The following ADGRG6 variants were observed in gnomAD, a reference collection of about 807,000 sequenced individuals.
ADGRG6 encodes adhesion G protein-coupled receptor G6, also known as G-protein coupled receptor 126.
ADGRG6 carries 84 observed loss-of-function variants against 142.4 expected under a neutral mutation model. The observed-to-expected ratio is 0.59, with a 90% CI of 0.49 to 0.71. ADGRG6 has a LOEUF of 0.71. ADGRG6 is among the 30% of genes least tolerant of loss of function. The probability of loss-of-function intolerance (pLI) is 0.00; values close to 1 mark genes in which losing one functional copy is unlikely to be tolerated. For missense variants in ADGRG6, 1,367 were observed against 1,466.6 expected (o/e 0.93, Z 1.11); for synonymous variants, 521 against 520.5 (o/e 1.00, Z -0.01).
chr6:142,328,581 A>G (rs1778894600), intron 2 of ADGRG6, among the ~76,000 whole-genome samples: 1 of 152,176 alleles, frequency 6.6e-6, no homozygotes, highest in South Asian at 2.1e-4. Flanking sequence ...ATTATAGTTC[A>G]GTAATTGTAC....
At chr6:142,333,477 T>G (rs1779163996) in intron 2 of ADGRG6, among the ~76,000 whole-genome samples, 1 of 152,208 alleles carries the variant, frequency 6.6e-6, no homozygotes, top group Non-Finnish European at 1.5e-5. Flanking sequence ...AATGTTGCAG[T>G]CAGGCAGAAT....
At chr6:142,354,323 C>T (rs1006871874) in intron 2 of ADGRG6, among the ~76,000 whole-genome samples, 4 of 152,104 alleles carry the variant, frequency 2.6e-5, no homozygotes, top group Admixed American at 2.6e-4. Flanking sequence ...GCGGAGGTTG[C>T]AGTGAACTGA....
intron 1 of ADGRG6, among the ~76,000 whole-genome samples, chr6:142,305,437 C>CACACACACAA (rs1777445906): frequency 8.4e-6 from 1 of 119,272 alleles, no homozygotes; most frequent in Admixed American, 9.8e-5. Context: ...TGTACACACA[C>CACACACACAA]ACACACACAC....
Position 142,443,548 on chromosome 6 carries a change from A to G in ADGRG6, c.*33A>G. 1 of 1,507,028 alleles carries G rather than the reference A, an allele frequency of 6.6e-7. No individual in the cohort carries two copies. Among genetic ancestry groups the G allele is most frequent in the African/African-American group, 1.4e-5 (1 of 72,490 alleles). The allele number at this position is 1,507,028 out of a possible 1,614,324, so 93.4% of individuals were successfully genotyped here. A position where few individuals can be genotyped will look rare whatever the true frequency, so the allele number is the denominator to read the frequency against. The stretch of plus-strand genomic sequence containing the variant: ...AAGAAAAAGAAATCAATCTGCAGAA[A>G]TGTGAAGATTTGCAAGCAGTGTAAA... On this transcript the variant is annotated 3_prime_UTR_variant, in exon 25 of 25. Transcript: ENST00000367609.
intron 1 of ADGRG6, among the ~76,000 whole-genome samples, chr6:142,304,600 T>G (rs887469605): frequency 6.6e-6 from 1 of 152,220 alleles, no homozygotes; most frequent in African/African-American, 2.4e-5. Context: ...AGAATTAGTT[T>G]ACATATTAAA....
chr6:142,392,705 G>A (rs6570508), intron 7 of ADGRG6, among the ~76,000 whole-genome samples: 75,178 of 151,710 alleles, frequency 0.5, 23,282 homozygotes, highest in African/African-American at 0.87. Context: ...ACTATGGGGT[G>A]TGTGGGGATA....
rs919421205 is a variant in ADGRG6 at position 142,445,903 on chromosome 6, T to G, written c.*2388T>G. 6.6e-6 allele frequency: 1 copy of G among 152,202 alleles called. No individual in the cohort carries two copies. Among genetic ancestry groups the G allele is most frequent in the African/African-American group, 2.4e-5 (1 of 41,450 alleles). 9.4% of individuals were successfully genotyped at this position (152,202 alleles called of 1,614,324 possible). A position where few individuals can be genotyped will look rare whatever the true frequency, so the allele number is the denominator to read the frequency against. On this transcript the variant is annotated 3_prime_UTR_variant, in exon 25 of 25. Coordinates refer to ENST00000367609, the MANE Select transcript of ADGRG6 (RefSeq NM_198569.3). Reference sequence around the variant, plus strand: ...GTCATAGTCTAGGATCCTGAGAGATTTTCCATTCTTGTCACCATTCACTTG... The same window carrying G: ...GTCATAGTCTAGGATCCTGAGAGATGTTCCATTCTTGTCACCATTCACTTG...
intron 22 of ADGRG6, among the ~76,000 whole-genome samples, chr6:142,427,063 C>T (rs769813278): frequency 1.3e-5 from 2 of 152,154 alleles, no homozygotes; most frequent in Non-Finnish European, 2.9e-5. Context: ...ACATTTTCAC[C>T]ATTGTCTTGA....
At chr6:142,356,644 C>T (rs1780459060) in intron 2 of ADGRG6, among the ~76,000 whole-genome samples, 1 of 152,136 alleles carries the variant, frequency 6.6e-6, no homozygotes, top group African/African-American at 2.4e-5. Flanking sequence ...TATTATGTGT[C>T]ATAACCTGAA....
chr6:142,399,821 ATTG>A (rs200215843), intron 10 of ADGRG6, among the ~76,000 whole-genome samples: 2,122 of 152,276 alleles, frequency 0.014, 48 homozygotes, highest in African/African-American at 0.048. Flanking sequence ...ACAAGAGTTT[ATTG>A]TTGTTGTTGA....
In ADGRG6 at chr6:142,422,991, C is replaced by T. The variant is rs1448394287; in HGVS notation, c.3319+2887C>T. ...TTGAGAAGTGTCTGTTCATGTCCTT[C>T]GCCCAGTTTTTGATGGGGTTGTTTG... On this transcript the variant is annotated intron_variant, in intron 22 of 24. Coordinates refer to ENST00000367609, the MANE Select transcript of ADGRG6 (RefSeq NM_198569.3). Among the ~76,000 whole-genome samples the T allele has an allele frequency of 1.4e-4, 21 of 151,910 alleles. No homozygotes were observed. In the East Asian group the frequency reaches 1.9e-3, roughly 14 times the overall value.
At chr6:142,317,656 A>G (rs887584258) in intron 2 of ADGRG6, among the ~76,000 whole-genome samples, 4 of 136,494 alleles carry the variant, frequency 2.9e-5, no homozygotes, top group Admixed American at 2.6e-4. Flanking sequence ...GGTGTATATT[A>G]TATATATAGG....
At chr6:142,379,689 C>T (rs920865822) in intron 4 of ADGRG6, among the ~76,000 whole-genome samples, 10 of 152,100 alleles carry the variant, frequency 6.6e-5, no homozygotes, top group South Asian at 4.1e-4. Context: ...ATGGCGGGAA[C>T]CCGGGAGGCA....
In ADGRG6 at chr6:142,402,026, A is replaced by G; in HGVS notation, c.1712A>G (p.Tyr571Cys). The part of the protein sequence containing the change: ...FYNATNPLVT[Y>C]WGPVDISNCL... ...AATGCTACCAACCCATTGGTAACCT[A>G]CTGGGGACCTGTTGATATCTCCAAC... The change falls in exon 12 of 25, where the codon TAC becomes TGC. Residue 571 changes from tyrosine (Y) to cysteine (C), a missense_variant. Physicochemically the swap from Tyr to Cys is radical, Grantham distance 194. Coordinates refer to ENST00000367609, the MANE Select transcript of ADGRG6 (RefSeq NM_198569.3). 6.4e-7 allele frequency: 1 copy of G among 1,560,120 alleles called. No individual in the cohort carries two copies. Among genetic ancestry groups the G allele is most frequent in the African/African-American group, 1.3e-5 (1 of 74,076 alleles).
chr6:142,344,113 G>A (rs1341464661), intron 2 of ADGRG6, among the ~76,000 whole-genome samples: 1 of 151,574 alleles, frequency 6.6e-6, no homozygotes, highest in Non-Finnish European at 1.5e-5. Flanking sequence ...GCTAATACAT[G>A]ATTTATTATT....
At position 142,409,379 on chromosome 6, in the gene ADGRG6, G is replaced by A. The variant is rs541607792; in HGVS notation, c.2389-495G>A. Among the ~76,000 whole-genome samples the A allele has an allele frequency of 1.1e-4, 16 of 152,234 alleles. No homozygotes were observed. In the South Asian group the frequency reaches 3.3e-3, roughly 32 times the overall value. ...AAGGCTGAAGAGTATTTCATTGTAT[G>A]TATATACTAGATTTTGTTTGTCTAT... On this transcript the variant is annotated intron_variant, in intron 16 of 24. Coordinates refer to ENST00000367609, the MANE Select transcript of ADGRG6 (RefSeq NM_198569.3).
intron 2 of ADGRG6, among the ~76,000 whole-genome samples, chr6:142,342,809 A>C (rs889162081): frequency 1.6e-4 from 25 of 152,038 alleles, no homozygotes; most frequent in African/African-American, 6.0e-4. Flanking sequence ...ATATGTATTT[A>C]GCTACTTAAA....
At position 142,390,353 on chromosome 6, in the gene ADGRG6, C is replaced by A. The variant is rs542517204; in HGVS notation, c.1308+10C>A. The A allele has an allele frequency of 9.2e-6, 14 of 1,519,956 alleles. No individual in the cohort carries two copies. The African/African-American group carries it at 1.9e-4, about 21-fold the overall frequency. 94.2% of individuals were successfully genotyped at this position (1,519,956 alleles called of 1,614,324 possible). On this transcript the variant is annotated intron_variant, in intron 7 of 24. Coordinates refer to ENST00000367609, the MANE Select transcript of ADGRG6 (RefSeq NM_198569.3). ...CAAGGTGGCAGAATGGGTAAGTGAGCTTGTAACTTTTCTTTTTTAAAAAAA... is the reference window on the plus strand; with the variant it reads ...CAAGGTGGCAGAATGGGTAAGTGAGATTGTAACTTTTCTTTTTTAAAAAAA...
chr6:142,354,841 A>G (rs1027494462), intron 2 of ADGRG6, among the ~76,000 whole-genome samples: 6 of 152,234 alleles, frequency 3.9e-5, no homozygotes, highest in East Asian at 1.9e-4. Context: ...CAGTTCATCT[A>G]CTTAGAAGCT....
Sources: gnomAD v4.1 joint callset for allele counts (sites outside exome capture counted in the v4.1 genomes callset) on GRCh38, gnomAD v4.1.1 for gene constraint, MANE v1.5 for transcripts, NCBI Gene and HGNC (gene_info 2026-07-23, HGNC 2026-07-21) for gene names.